The following WSCD2 variants were observed in gnomAD, a reference collection of about 807,000 sequenced individuals.
WSCD2 encodes WSC domain sialate O sulfotransferase 2.
A neutral mutation model predicts 55.7 loss-of-function variants in WSCD2; 28 were observed. That is an observed-to-expected ratio of 0.50 (90% CI 0.37 to 0.69). The LOEUF is 0.69. Among genes scored for constraint, WSCD2 ranks in the 30% least tolerant of loss-of-function variants. The pLI is 0.00. For missense variants in WSCD2, 616 were observed against 762.1 expected (o/e 0.81, Z 2.26); for synonymous variants, 301 against 301.9 (o/e 1.00, Z 0.03).
chr12:108,241,565 G>GGTT (rs1204870630), intron 8 of WSCD2, among the ~76,000 whole-genome samples: 2 of 152,126 alleles, frequency 1.3e-5, no homozygotes, highest in Non-Finnish European at 2.9e-5. Context: ...GGATATAGGG[G>GGTT]GTTGTTGTTC....
chr12:108,135,320 G>A (rs1876076402), intron 1 of WSCD2, among the ~76,000 whole-genome samples: 1 of 152,234 alleles, frequency 6.6e-6, no homozygotes, highest in African/African-American at 2.4e-5. Flanking sequence ...CTTACAATCT[G>A]AGGTAGAAGT....
intron 1 of WSCD2, among the ~76,000 whole-genome samples, chr12:108,172,504 G>A (rs544518938): frequency 6.6e-6 from 1 of 152,328 alleles, no homozygotes; most frequent in South Asian, 2.1e-4. Flanking sequence ...AACTAGTTAA[G>A]TTGAGGACAT....
intron 6 of WSCD2, among the ~76,000 whole-genome samples, chr12:108,229,913 T>G (rs747006634): frequency 6.6e-6 from 1 of 152,030 alleles, no homozygotes; most frequent in African/African-American, 2.4e-5. Flanking sequence ...GGAAGAATTA[T>G]GCAGTGAACA....
At chr12:108,219,974 T>G (rs1025148907) in intron 4 of WSCD2, among the ~76,000 whole-genome samples, 2 of 151,818 alleles carry the variant, frequency 1.3e-5, no homozygotes, top group African/African-American at 4.8e-5. Flanking sequence ...AACCTCAGAG[T>G]GACAGCCCTG....
At chr12:108,131,444 T>C (rs1875494087) in intron 1 of WSCD2, among the ~76,000 whole-genome samples, 1 of 152,220 alleles carries the variant, frequency 6.6e-6, no homozygotes, top group South Asian at 2.1e-4. Flanking sequence ...GTTTGACCAG[T>C]GACTTCCCTC....
In WSCD2 at chr12:108,237,622, A is replaced by G. The variant is rs546972756; in HGVS notation, c.1145-2722A>G. Among the ~76,000 whole-genome samples, 11 of 152,262 alleles carry G rather than the reference A, an allele frequency of 7.2e-5. 1 individual carries two copies. The South Asian group carries it at 2.3e-3, about 32-fold the overall frequency. On this transcript the variant is annotated intron_variant, in intron 7 of 8. Transcript: ENST00000547525. The stretch of plus-strand genomic sequence containing the variant: ...GTTGTTCCTCAGGCAAACCTATTCT[A>G]TGTGCCTTCTCAAAAGTTCCTTTCC...
At chr12:108,207,351 T>C (rs545125066) in intron 3 of WSCD2, among the ~76,000 whole-genome samples, 77 of 152,162 alleles carry the variant, frequency 5.1e-4, no homozygotes, top group African/African-American at 1.7e-3. Flanking sequence ...TGAGAGACTC[T>C]TCCTGCTGTT....
At chr12:108,211,630 C>CATATATATATATATATATATATATAT (rs56944563) in intron 4 of WSCD2, among the ~76,000 whole-genome samples, 2 of 138,550 alleles carry the variant, frequency 1.4e-5, no homozygotes, top group African/African-American at 5.4e-5. Flanking sequence ...TTTCAAATCC[C>CATATATATATATATATATATATATAT]ATATATATAT....
chr12:108,235,178 G>A (rs1889154498), intron 7 of WSCD2, among the ~76,000 whole-genome samples: 1 of 152,098 alleles, frequency 6.6e-6, no homozygotes, highest in Admixed American at 6.5e-5. Context: ...TATAATACAG[G>A]AATGTCAGTA....
chr12:108,207,165 C>T (rs1593024545), intron 3 of WSCD2, among the ~76,000 whole-genome samples: 1 of 152,084 alleles, frequency 6.6e-6, no homozygotes, highest in African/African-American at 2.4e-5. Flanking sequence ...CCTGGGGGCA[C>T]CATGGGGCTG....
intron 1 of WSCD2, among the ~76,000 whole-genome samples, chr12:108,147,849 C>T (rs1457302831): frequency 6.6e-6 from 1 of 151,432 alleles, no homozygotes; most frequent in Non-Finnish European, 1.5e-5. Flanking sequence ...AAAGTGAGAC[C>T]CTGTCTCAGA....
chr12:108,233,495 T>A (rs1011827824), intron 7 of WSCD2, among the ~76,000 whole-genome samples: 4 of 152,246 alleles, frequency 2.6e-5, no homozygotes, highest in Non-Finnish European at 5.9e-5. Context: ...AGGTTGAGAT[T>A]GCCAAAGATG....
chr12:108,153,019 G>T (rs571095287), intron 1 of WSCD2, among the ~76,000 whole-genome samples: 1 of 152,200 alleles, frequency 6.6e-6, no homozygotes, highest in African/African-American at 2.4e-5. Context: ...CATGAGAATC[G>T]CTTGAACCTG....
At chr12:108,219,027 A>G (rs372752017) in intron 4 of WSCD2, among the ~76,000 whole-genome samples, 3 of 152,192 alleles carry the variant, frequency 2.0e-5, no homozygotes, top group Non-Finnish European at 4.4e-5. Flanking sequence ...GGAAATGTCA[A>G]ACCCCTGGTG....
chr12:108,245,214 C>T (rs1022750683), intron 8 of WSCD2, among the ~76,000 whole-genome samples: 1 of 149,650 alleles, frequency 6.7e-6, no homozygotes, highest in African/African-American at 2.5e-5. Context: ...CCTTCAATGC[C>T]CGTTGTGTAG....
At chr12:108,164,087 C>T (rs1465789944) in intron 1 of WSCD2, among the ~76,000 whole-genome samples, 2 of 146,056 alleles carry the variant, frequency 1.4e-5, no homozygotes, top group African/African-American at 5.1e-5. Flanking sequence ...GTTGGCATTA[C>T]CACTAGACCT....
At chr12:108,155,868 ACTCCCAGCCT>A (rs1044078337) in intron 1 of WSCD2, among the ~76,000 whole-genome samples, 1 of 151,852 alleles carries the variant, frequency 6.6e-6, no homozygotes, top group Non-Finnish European at 1.5e-5. Context: ...ATCTGAAAAG[ACTCCCAGCCT>A]CTCCCAGGCT....
intron 1 of WSCD2, among the ~76,000 whole-genome samples, chr12:108,165,002 T>G (rs1410088484): frequency 6.6e-6 from 1 of 152,140 alleles, no homozygotes; most frequent in Non-Finnish European, 1.5e-5. Flanking sequence ...GGCACTGGTT[T>G]TTGAGAAAAG....
chr12:108,149,481 C>T (rs755725954), intron 1 of WSCD2, among the ~76,000 whole-genome samples: 11 of 152,196 alleles, frequency 7.2e-5, no homozygotes, highest in Non-Finnish European at 1.5e-4. Context: ...GCACCAACAT[C>T]GGCCCCCACC....
Sources: gnomAD v4.1 joint callset for allele counts (sites outside exome capture counted in the v4.1 genomes callset) on GRCh38, gnomAD v4.1.1 for gene constraint, MANE v1.5 for transcripts, NCBI Gene and HGNC (gene_info 2026-07-23, HGNC 2026-07-21) for gene names.